Variants in CNTN4 observed in about 807,000 individuals in gnomAD.
The protein encoded by CNTN4 is contactin 4, also known as contactin-4.
Under a neutral mutation model 122.5 loss-of-function variants are expected in CNTN4, and 77 were observed. The ratio of observed to expected loss-of-function variants is 0.63; its 90% confidence interval spans 0.52 to 0.76. The LOEUF is 0.76. Ranked by LOEUF, CNTN4 falls within the 30% of genes least tolerant of loss-of-function variation. The probability of loss-of-function intolerance (pLI) is 0.00; values close to 1 mark genes in which losing one functional copy is unlikely to be tolerated. For missense variants in CNTN4, 1,256 were observed against 1,259.1 expected (o/e 1.00, Z 0.04); for synonymous variants, 512 against 447.0 (o/e 1.15, Z -1.83).
At chr3:2,187,806 G>A (rs1352941010) in intron 2 of CNTN4, among the ~76,000 whole-genome samples, 1 of 152,086 alleles carries the variant, frequency 6.6e-6, no homozygotes, top group Non-Finnish European at 1.5e-5. Flanking sequence ...ATGATTATCT[G>A]TTTTCTCTCA....
chr3:2,327,910 C>G (rs369601784), intron 2 of CNTN4, among the ~76,000 whole-genome samples: 1 of 152,238 alleles, frequency 6.6e-6, no homozygotes, highest in African/African-American at 2.4e-5. Context: ...ACCATACAAA[C>G]TAGAAAGAAT....
At chr3:3,031,636 C>T (rs1006540512) in intron 16 of CNTN4, among the ~76,000 whole-genome samples, 6 of 152,116 alleles carry the variant, frequency 3.9e-5, no homozygotes, top group Admixed American at 2.0e-4. Flanking sequence ...CTCACCAAAC[C>T]GGTTGGCAAA....
chr3:2,602,735 T>G (rs562923928), intron 4 of CNTN4, among the ~76,000 whole-genome samples: 1 of 152,298 alleles, frequency 6.6e-6, no homozygotes, highest in South Asian at 2.1e-4. Flanking sequence ...TATGTATAGA[T>G]AGCTTCAGTT....
chr3:2,152,520 G>A (rs1037952202), intron 2 of CNTN4, among the ~76,000 whole-genome samples: 1 of 152,182 alleles, frequency 6.6e-6, no homozygotes, highest in African/African-American at 2.4e-5. Context: ...TGGTAGAGAT[G>A]ATGGGACTTT....
At chr3:2,507,349 T>G (rs909855954) in intron 3 of CNTN4, among the ~76,000 whole-genome samples, 5 of 152,084 alleles carry the variant, frequency 3.3e-5, no homozygotes, top group South Asian at 4.1e-4. Flanking sequence ...TTTTTTAAAC[T>G]GTCTTTGTTG....
chr3:2,155,809 C>T (rs1022655174), intron 2 of CNTN4, among the ~76,000 whole-genome samples: 1 of 152,170 alleles, frequency 6.6e-6, no homozygotes, highest in Admixed American at 6.5e-5. Flanking sequence ...ACGTGAAATA[C>T]CTCCAAATGA....
intron 3 of CNTN4, among the ~76,000 whole-genome samples, chr3:2,350,236 G>A (rs2044556642): frequency 6.6e-6 from 1 of 152,296 alleles, no homozygotes; most frequent in South Asian, 2.1e-4. Context: ...TCTTAGGGAA[G>A]TACAGGATTA....
intron 15 of CNTN4, among the ~76,000 whole-genome samples, chr3:3,030,332 T>C (rs1699056612): frequency 6.6e-6 from 1 of 152,238 alleles, no homozygotes; most frequent in Non-Finnish European, 1.5e-5. Context: ...CACTAGGTGA[T>C]GCGAGATTTC....
intron 4 of CNTN4, among the ~76,000 whole-genome samples, chr3:2,588,064 A>G (rs2080286808): frequency 6.6e-6 from 1 of 151,890 alleles, no homozygotes; most frequent in South Asian, 2.1e-4. Flanking sequence ...TTAATTTTTT[A>G]TTAATTATGT....
At chr3:2,478,364 T>C (rs541359219) in intron 3 of CNTN4, among the ~76,000 whole-genome samples, 5 of 152,002 alleles carry the variant, frequency 3.3e-5, no homozygotes, top group Non-Finnish European at 7.4e-5. Flanking sequence ...ATAAATGAAA[T>C]ATGTGAGTTC....
chr3:2,563,941 A>G (rs568126850), intron 3 of CNTN4, among the ~76,000 whole-genome samples: 2 of 152,198 alleles, frequency 1.3e-5, no homozygotes, highest in Admixed American at 1.3e-4. Flanking sequence ...GAAAAGCAGT[A>G]TACTCTCAAG....
intron 4 of CNTN4, among the ~76,000 whole-genome samples, chr3:2,602,899 G>T (rs2081107066): frequency 6.6e-6 from 1 of 152,138 alleles, no homozygotes; most frequent in Admixed American, 6.6e-5. Context: ...TAAGTAAGGG[G>T]GGTTCCAGTG....
intron 2 of CNTN4, among the ~76,000 whole-genome samples, chr3:2,156,374 T>A (rs774476214): frequency 6.6e-6 from 1 of 152,138 alleles, no homozygotes; most frequent in Non-Finnish European, 1.5e-5. Flanking sequence ...TAAACCTGTA[T>A]ACAGCAGAGT....
rs867294700 is a variant in CNTN4 at position 2,916,598 on chromosome 3, T to C, written c.1208-9031T>C. On this transcript the variant is annotated intron_variant, in intron 12 of 24. Transcript: ENST00000418658. ...ACAAAATGGAGTCTCCCATGTCTAC[T>C]TCTTTCTACACAGACACAGCAACAA... Among the ~76,000 whole-genome samples, 8 of 125,460 alleles carry C rather than the reference T, an allele frequency of 6.4e-5. 2 individuals are homozygous for C. In the Admixed American group the frequency reaches 6.6e-4, roughly 10 times the overall value. The allele number at this position is 125,460 out of a possible 152,430, so 82.3% of individuals were successfully genotyped here. A position where few individuals can be genotyped will look rare whatever the true frequency, so the allele number is the denominator to read the frequency against.
chr3:2,317,948 T>C (rs920231506), intron 2 of CNTN4, among the ~76,000 whole-genome samples: 4 of 152,216 alleles, frequency 2.6e-5, no homozygotes, highest in South Asian at 2.1e-4. Context: ...ACAGAACACT[T>C]AGTCTTTTGT....
chr3:2,866,068 C>G (rs950004364), intron 7 of CNTN4, among the ~76,000 whole-genome samples: 1 of 152,102 alleles, frequency 6.6e-6, no homozygotes, highest in Non-Finnish European at 1.5e-5. Flanking sequence ...CAGTGTTAAA[C>G]TGCTCTCTTA....
At chr3:2,688,705 G>C (rs934231890) in intron 4 of CNTN4, among the ~76,000 whole-genome samples, 2 of 152,162 alleles carry the variant, frequency 1.3e-5, no homozygotes, top group African/African-American at 4.8e-5. Context: ...CCAGTTACCA[G>C]CTGAATATTT....
intron 3 of CNTN4, among the ~76,000 whole-genome samples, chr3:2,361,750 C>T (rs181238078): frequency 1.1e-4 from 17 of 152,158 alleles, no homozygotes; most frequent in East Asian, 3.9e-4. Flanking sequence ...ATTGTGTGGC[C>T]GTAGCATTAG....
intron 6 of CNTN4, among the ~76,000 whole-genome samples, chr3:2,798,796 C>A (rs2092275647): frequency 2.0e-5 from 3 of 152,296 alleles, no homozygotes; most frequent in Middle Eastern, 3.4e-3. Context: ...CAGGTGTTAG[C>A]CACTGCACCC....
Sources: allele counts gnomAD v4.1 joint callset (sites outside exome capture counted in the v4.1 genomes callset), GRCh38; gene constraint gnomAD v4.1.1; transcripts MANE v1.5; gene names NCBI Gene and HGNC (gene_info 2026-07-23, HGNC 2026-07-21).